Variants in SH2D1A observed in about 807,000 individuals in gnomAD.
SH2D1A encodes the protein SH2 domain containing 1A, also known as SH2 domain-containing protein 1A.
A neutral mutation model predicts 10.1 loss-of-function variants in SH2D1A; 6 were observed. The observed-to-expected ratio is 0.60, with a 90% CI of 0.33 to 1.18. The LOEUF is 1.18. SH2D1A is among the 50% of genes most tolerant of loss of function. The pLI is 0.04. For missense variants in SH2D1A, 51 were observed against 97.6 expected, an observed-to-expected ratio of 0.52 and a Z score of 2.01; for synonymous variants, 42 against 36.9, an observed-to-expected ratio of 1.14 and a Z score of -0.51.
At chrX:124,370,387 C>T in intron 3 of SH2D1A, 67 bp downstream of exon 3, 1 of 904,643 alleles carries the variant, frequency 1.1e-6, no homozygotes. Context: ...CTGTTCATAA[C>T]CATATAATCA....
chrX:124,347,357 G>C (rs1403494696), intron 1 of SH2D1A, among the ~76,000 whole-genome samples: 1 of 110,629 alleles, frequency 9.0e-6, no homozygotes, highest in Non-Finnish European at 1.9e-5. Context: ...AAAGTAGTGG[G>C]GGGTGGGGAG....
Sources: allele counts gnomAD v4.1 joint callset (sites outside exome capture counted in the v4.1 genomes callset), GRCh38; gene constraint gnomAD v4.1.1; transcripts MANE v1.5; gene names NCBI Gene and HGNC (gene_info 2026-07-23, HGNC 2026-07-21).